LDLRAP1: variants seen among roughly 807,000 people sequenced by gnomAD.
LDLRAP1 encodes low density lipoprotein receptor adaptor protein 1.
A neutral mutation model predicts 37.8 loss-of-function variants in LDLRAP1; 30 were observed. The ratio of observed to expected loss-of-function variants is 0.79; its 90% confidence interval spans 0.59 to 1.08. The LOEUF (loss-of-function observed/expected upper bound fraction) is 1.08. Among genes scored for constraint, LDLRAP1 ranks in the 50% least tolerant of loss-of-function variants. LDLRAP1 has a pLI of 0.00. For missense variants in LDLRAP1, 375 were observed against 401.6 expected (o/e 0.93, Z 0.57); for synonymous variants, 156 against 169.8 (o/e 0.92, Z 0.63).
At chr1:25,553,096 A>G (rs72873735) in intron 1 of LDLRAP1, among the ~76,000 whole-genome samples, 21,278 of 147,746 alleles carry the variant, frequency 0.14, 3,099 homozygotes, top group African/African-American at 0.38. Context: ...CCAGCCTCCC[A>G]CATGCCCCTG....
the LDLRAP1 span, among the ~76,000 whole-genome samples, chr1:25,574,328 G>C: frequency 6.6e-6 from 1 of 152,202 alleles, no homozygotes; most frequent in African/African-American, 2.4e-5. Context: ...GGACACGAAG[G>C]CTGCACAGCC....
chr1:25,572,835 C>T (rs909534651), downstream of LDLRAP1, among the ~76,000 whole-genome samples: 2 of 152,168 alleles, frequency 1.3e-5, no homozygotes, highest in Admixed American at 6.5e-5. Context: ...TGAGCACCAG[C>T]TCATCATCCG....
the LDLRAP1 span, among the ~76,000 whole-genome samples, chr1:25,576,236 A>T: frequency 6.8e-6 from 1 of 147,816 alleles, no homozygotes; most frequent in East Asian, 2.0e-4. Context: ...CTCAAAAAAA[A>T]CAAAAGTAGG....
chr1:25,563,889 G>A, intron 7 of LDLRAP1, 98 bp downstream of exon 7: 1 of 1,540,674 alleles, frequency 6.5e-7, no homozygotes, highest in Non-Finnish European at 8.9e-7. Context: ...CCCGTGACTT[G>A]TGGGCCTCTG....
chr1:25,587,256 A>C, the LDLRAP1 span, among the ~76,000 whole-genome samples: 6 of 152,190 alleles, frequency 3.9e-5, no homozygotes, highest in African/African-American at 1.4e-4. Context: ...GGCTCAAGCT[A>C]TCCTCCTGCC....
At chr1:25,569,999 C>T (rs2044581626), downstream of LDLRAP1, among the ~76,000 whole-genome samples, 1 of 152,230 alleles carries the variant, frequency 6.6e-6, no homozygotes, top group Non-Finnish European at 1.5e-5. Context: ...TTCTTTCAGC[C>T]ACTCTCCGGA....
At position 25,544,208 on chromosome 1, in the gene LDLRAP1, C is replaced by G. The variant is rs1472625098; in HGVS notation, c.88+422C>G. On this transcript the variant is annotated intron_variant, in intron 1 of 8. Transcript: ENST00000374338. The surrounding 1 kb of genome is among the most constrained non-coding windows in gnomAD (Gnocchi z 4.8). ...TTGGGAAGACGCCCCCGTCCCGCAC[C>G]CCTGCGCCCCAGCCAGCAGCTGCGG... Among the ~76,000 whole-genome samples the G allele has an allele frequency of 1.3e-5, 2 of 152,110 alleles. No homozygotes were observed. The highest frequency in any genetic ancestry group is 4.8e-5 in the African/African-American group (2 of 41,434).
chr1:25,585,407 G>A, the LDLRAP1 span, among the ~76,000 whole-genome samples: 2 of 151,556 alleles, frequency 1.3e-5, no homozygotes, highest in Non-Finnish European at 1.5e-5. Flanking sequence ...CTCACTGCAA[G>A]CTCCACCTCC....
At chr1:25,549,441 C>T (rs1035796336) in intron 1 of LDLRAP1, among the ~76,000 whole-genome samples, 4 of 152,182 alleles carry the variant, frequency 2.6e-5, no homozygotes, top group Non-Finnish European at 5.9e-5. Flanking sequence ...GGCACAAGGG[C>T]ATTCAGCCCA....
intron 1 of LDLRAP1, among the ~76,000 whole-genome samples, chr1:25,548,194 A>G (rs1213399510): frequency 6.6e-6 from 1 of 152,212 alleles, no homozygotes; most frequent in Non-Finnish European, 1.5e-5. Flanking sequence ...ATGGTCATGG[A>G]CACGTTAAAT....
chr1:25,556,584 G>C (rs2044206271), intron 3 of LDLRAP1, among the ~76,000 whole-genome samples: 1 of 152,220 alleles, frequency 6.6e-6, no homozygotes, highest in Admixed American at 6.5e-5. Context: ...GGGCAGGTGG[G>C]GTGGGGGAGG....
intron 4 of LDLRAP1, among the ~76,000 whole-genome samples, chr1:25,559,209 G>A (rs2044284566): frequency 6.6e-6 from 1 of 152,250 alleles, no homozygotes; most frequent in East Asian, 1.9e-4. Flanking sequence ...AGCTCCTTAT[G>A]TCCCCATTGT....
Position 25,554,984 on chromosome 1 carries a change from A to G in LDLRAP1, c.344+12A>G, listed in dbSNP as rs2044166396. On this transcript the variant is annotated intron_variant, in intron 3 of 8. Transcript: ENST00000374338. This position sits in a 1 kb window ranked among gnomAD's most constrained non-coding sequence, Gnocchi z 5.4. ...GTGTCCATATACAGGTACGCTCAGC[A>G]TGGGGTTGGCCCATCCACTCTGCCA... The G allele has an allele frequency of 6.2e-7, 1 of 1,603,476 alleles. No individual in the cohort carries two copies. Among genetic ancestry groups the G allele is most frequent in the Non-Finnish European group, 8.5e-7 (1 of 1,170,570 alleles).
chr1:25,587,179 TCTCA>T, the LDLRAP1 span, among the ~76,000 whole-genome samples: 2 of 152,126 alleles, frequency 1.3e-5, no homozygotes, highest in East Asian at 3.9e-4. Context: ...TGAGACAGAG[TCTCA>T]CTCTGTCGCC....
the LDLRAP1 span, among the ~76,000 whole-genome samples, chr1:25,588,941 C>T: frequency 1.4e-4 from 21 of 152,140 alleles, no homozygotes; most frequent in Non-Finnish European, 2.5e-4. Flanking sequence ...GTGCTCTCCC[C>T]GCTGCCTGGA....
intron 3 of LDLRAP1, among the ~76,000 whole-genome samples, chr1:25,556,319 G>C (rs544708510): frequency 1.3e-5 from 2 of 152,286 alleles, no homozygotes; most frequent in Admixed American, 6.5e-5. Context: ...GAGGGTGGGA[G>C]GCCGAGGGCT....
the LDLRAP1 span, among the ~76,000 whole-genome samples, chr1:25,584,197 C>T: frequency 6.6e-6 from 1 of 152,012 alleles, no homozygotes; most frequent in Non-Finnish European, 1.5e-5. Flanking sequence ...TCCACAGTCA[C>T]CTGATGTGGT....
intron 1 of LDLRAP1, chr1:25,553,516 A>G (rs75401001): frequency 0.01 from 2,491 of 239,618 alleles, 69 homozygotes; most frequent in African/African-American, 0.053. Flanking sequence ...AGCTGCTTAC[A>G]TGGAGCCTTG....
chr1:25,578,989 T>A, the LDLRAP1 span, among the ~76,000 whole-genome samples: 1 of 152,224 alleles, frequency 6.6e-6, no homozygotes, highest in African/African-American at 2.4e-5. Flanking sequence ...TACTTTGTCT[T>A]ACGTGACCCA....
Sources: gnomAD v4.1 joint callset for allele counts (sites outside exome capture counted in the v4.1 genomes callset) on GRCh38, gnomAD v4.1.1 for gene constraint, Gnocchi (gnomAD v3.1) non-coding constraint, MANE v1.5 for transcripts, NCBI Gene and HGNC (gene_info 2026-07-23, HGNC 2026-07-21) for gene names.